The following ERBB4 variants were observed in gnomAD, a reference collection of about 807,000 sequenced individuals.
ERBB4 encodes erb-b2 receptor tyrosine kinase 4, also known as receptor tyrosine-protein kinase erbB-4.
Under a neutral mutation model 158.0 loss-of-function variants are expected in ERBB4, and 42 were observed. The ratio of observed to expected loss-of-function variants is 0.27; its 90% CI spans 0.21 to 0.34. The LOEUF (loss-of-function observed/expected upper bound fraction) is 0.34, where lower values mean the gene tolerates loss of function less well. Ranked by LOEUF, ERBB4 falls within the 10% of genes least tolerant of loss-of-function variation. The pLI, the probability that ERBB4 is intolerant of heterozygous loss-of-function variation, is 1.00. For missense variants in ERBB4, 1,333 were observed against 1,624.1 expected, an observed-to-expected ratio of 0.82 and a Z score of 3.08; for synonymous variants, 583 against 558.7, an observed-to-expected ratio of 1.04 and a Z score of -0.61.
chr2:212,006,023 G>A (rs2076251743), intron 2 of ERBB4, among the ~76,000 whole-genome samples: 1 of 151,804 alleles, frequency 6.6e-6, no homozygotes, highest in Non-Finnish European at 1.5e-5. Flanking sequence ...AGAAAAAAAA[G>A]AAAGAACAAA....
At chr2:211,773,293 A>G (rs1055243979) in intron 4 of ERBB4, among the ~76,000 whole-genome samples, 3 of 151,664 alleles carry the variant, frequency 2.0e-5, no homozygotes, top group Admixed American at 6.6e-5. Flanking sequence ...GTAGAAACTA[A>G]TTAATAATTA....
At chr2:212,034,488 T>A (rs1462505604) in intron 2 of ERBB4, among the ~76,000 whole-genome samples, 2 of 152,028 alleles carry the variant, frequency 1.3e-5, no homozygotes, top group African/African-American at 2.4e-5. Flanking sequence ...TTAGACATAA[T>A]AATTGATGGG....
At chr2:211,969,370 G>A (rs1213140422) in intron 2 of ERBB4, among the ~76,000 whole-genome samples, 2 of 152,132 alleles carry the variant, frequency 1.3e-5, no homozygotes, top group South Asian at 2.1e-4. Flanking sequence ...AGAAAAGCCT[G>A]AAACACTGTA....
intron 5 of ERBB4, among the ~76,000 whole-genome samples, chr2:211,743,312 A>T (rs1424305773): frequency 6.6e-6 from 1 of 152,140 alleles, no homozygotes; most frequent in Non-Finnish European, 1.5e-5. Context: ...TCAAACTGTA[A>T]TGTTTGGATA....
At chr2:212,272,433 T>C (rs1009279390) in intron 1 of ERBB4, among the ~76,000 whole-genome samples, 1 of 151,706 alleles carries the variant, frequency 6.6e-6, no homozygotes, top group African/African-American at 2.4e-5. Flanking sequence ...TCATGGCCGT[T>C]GAATTGTGAA....
chr2:211,713,794 A>T lies in ERBB4; in HGVS notation c.884-146T>A, dbSNP rs35123918. ...TACCCTTAAACAACTCTTTGTTTAA[A>T]TATCTCAACCTGAAATTGTATTTCC... On this transcript the variant is annotated intron_variant, in intron 7 of 27. Coordinates refer to ENST00000342788, the MANE Select transcript of ERBB4 (RefSeq NM_005235.3). The T allele has an allele frequency of 0.1, 65,638 of 634,458 alleles. 4,400 individuals carry two copies. The highest frequency in any genetic ancestry group is 0.23 in the South Asian group (12,428 of 54,060). 39.3% of individuals were successfully genotyped at this position (634,458 alleles called of 1,614,324 possible).
chr2:212,130,455 T>C (rs2080075406), intron 1 of ERBB4, among the ~76,000 whole-genome samples: 1 of 152,108 alleles, frequency 6.6e-6, no homozygotes, highest in South Asian at 2.1e-4. Context: ...AAAAAGTTGG[T>C]AGCAACATAA....
chr2:212,213,702 T>G (rs890119223), intron 1 of ERBB4, among the ~76,000 whole-genome samples: 1 of 152,012 alleles, frequency 6.6e-6, no homozygotes, highest in South Asian at 2.1e-4. Context: ...GCTGATCTAA[T>G]GGCAAAGGCT....
At chr2:212,460,351 G>C (rs113318751) in intron 1 of ERBB4, among the ~76,000 whole-genome samples, 5 of 152,208 alleles carry the variant, frequency 3.3e-5, no homozygotes, top group African/African-American at 9.6e-5. Flanking sequence ...TACAGGCAGA[G>C]GTTGGAACAG....
chr2:211,417,548 G>A (rs1205324686), intron 25 of ERBB4, among the ~76,000 whole-genome samples: 1 of 152,092 alleles, frequency 6.6e-6, no homozygotes, highest in African/African-American at 2.4e-5. Flanking sequence ...TTAGGTAAGT[G>A]TTTTCTAGCA....
At chr2:212,306,134 G>C (rs567458585) in intron 1 of ERBB4, among the ~76,000 whole-genome samples, 1 of 151,400 alleles carries the variant, frequency 6.6e-6, no homozygotes, top group Admixed American at 6.6e-5. Flanking sequence ...TCCTTTTTAT[G>C]TGCAACAGTA....
intron 2 of ERBB4, among the ~76,000 whole-genome samples, chr2:212,107,644 G>A (rs972764409): frequency 1.8e-4 from 28 of 152,088 alleles, no homozygotes; most frequent in African/African-American, 5.8e-4. Context: ...AGGGGCCAGG[G>A]GCAGAATGAT....
At chr2:211,736,844 C>T (rs1175968526) in intron 5 of ERBB4, among the ~76,000 whole-genome samples, 1 of 151,940 alleles carries the variant, frequency 6.6e-6, no homozygotes, top group Non-Finnish European at 1.5e-5. Context: ...CTTTTTGGAT[C>T]CTCTCCAAGC....
chr2:211,911,429 C>T (rs2079538934), intron 3 of ERBB4, among the ~76,000 whole-genome samples: 1 of 152,016 alleles, frequency 6.6e-6, no homozygotes, highest in Non-Finnish European at 1.5e-5. Context: ...CCATGCCCAG[C>T]TACTTGTTAA....
At chr2:211,399,276 T>G (rs915938647) in intron 25 of ERBB4, among the ~76,000 whole-genome samples, 2 of 152,216 alleles carry the variant, frequency 1.3e-5, no homozygotes, top group Admixed American at 6.5e-5. Context: ...TCACTCTAAT[T>G]TACTATTAAA....
At chr2:212,479,490 T>C (rs765497689) in intron 1 of ERBB4, among the ~76,000 whole-genome samples, 8 of 152,168 alleles carry the variant, frequency 5.3e-5, no homozygotes, top group Non-Finnish European at 1.2e-4. Flanking sequence ...GCACCCAATA[T>C]TGAGTACTTA....
At chr2:211,915,415 AAACT>A (rs1404908624) in intron 3 of ERBB4, among the ~76,000 whole-genome samples, 1 of 148,090 alleles carries the variant, frequency 6.8e-6, no homozygotes, top group Non-Finnish European at 1.5e-5. Context: ...CATAGAAGGC[AAACT>A]AACAGAGTTC....
intron 1 of ERBB4, among the ~76,000 whole-genome samples, chr2:212,362,468 A>C (rs1210218883): frequency 1.3e-5 from 2 of 150,838 alleles, no homozygotes; most frequent in African/African-American, 4.9e-5. Flanking sequence ...GCTCTTTAAA[A>C]ATTAACGTAC....
chr2:211,540,205 T>TATATATACAC (rs60602351), intron 20 of ERBB4, among the ~76,000 whole-genome samples: 17,494 of 147,556 alleles, frequency 0.12, 1,122 homozygotes, highest in South Asian at 0.18. Context: ...TATATATATA[T>TATATATACAC]ACACACACAC....
Sources: gnomAD v4.1 joint callset for allele counts (sites outside exome capture counted in the v4.1 genomes callset) on GRCh38, gnomAD v4.1.1 for gene constraint, MANE v1.5 for transcripts, NCBI Gene and HGNC (gene_info 2026-07-23, HGNC 2026-07-21) for gene names.